The following TNIP1 variants were observed in gnomAD, a reference collection of about 807,000 sequenced individuals.
TNIP1 encodes the protein TNFAIP3-interacting protein 1.
Under a neutral mutation model 86.6 loss-of-function variants are expected in TNIP1, and 22 were observed. The observed-to-expected ratio is 0.25, with a 90% CI of 0.18 to 0.36. The LOEUF (loss-of-function observed/expected upper bound fraction) is 0.36, where lower values mean the gene tolerates loss of function less well. Ranked by LOEUF, TNIP1 falls within the 10% of genes least tolerant of loss-of-function variation. The probability of loss-of-function intolerance (pLI) is 1.00; values close to 1 mark genes in which losing one functional copy is unlikely to be tolerated. For missense variants in TNIP1, 709 were observed against 820.6 expected (o/e 0.86, Z 1.66); for synonymous variants, 294 against 313.0 (o/e 0.94, Z 0.64).
intron 6 of TNIP1, 21 bp from the exon 7 acceptor site, chr5:151,052,280 CAG>C: frequency 6.2e-7 from 1 of 1,607,528 alleles, no homozygotes. Flanking sequence ...GGGGAACAGA[CAG>C]GGTGAGGGAA....
At chr5:151,055,042 G>T (rs770553100) in intron 6 of TNIP1, among the ~76,000 whole-genome samples, 3 of 152,180 alleles carry the variant, frequency 2.0e-5, no homozygotes, top group Admixed American at 2.0e-4. Flanking sequence ...ATCATCAGAG[G>T]TCACAAAGAT....
intron 6 of TNIP1, among the ~76,000 whole-genome samples, chr5:151,056,488 C>T (rs1037759267): frequency 2.6e-5 from 4 of 152,202 alleles, no homozygotes; most frequent in African/African-American, 9.7e-5. Context: ...ATCCCCCAAC[C>T]CTGCACATGA....
chr5:151,051,215 G>A (rs1759885617), intron 7 of TNIP1, among the ~76,000 whole-genome samples: 1 of 152,136 alleles, frequency 6.6e-6, no homozygotes. Flanking sequence ...AATAGCCAGT[G>A]GCTCAGTAGT....
intron 6 of TNIP1, 79 bp from the exon 7 acceptor site, chr5:151,052,338 G>C: frequency 1.6e-6 from 2 of 1,232,890 alleles, no homozygotes; most frequent in Admixed American, 2.0e-5. Flanking sequence ...GGATGGTGGG[G>C]GGCCTGTAGC....
At chr5:151,075,936 CCA>C (rs934427357) in intron 1 of TNIP1, among the ~76,000 whole-genome samples, 13 of 152,288 alleles carry the variant, frequency 8.5e-5, no homozygotes, top group African/African-American at 2.9e-4. Flanking sequence ...CCCACCTACC[CCA>C]CACACACACC....
rs2113671387 is a variant in TNIP1, at chr5:151,060,310, C to T, written c.435+8G>A. On this transcript the variant is annotated splice_region_variant and intron_variant, in intron 5 of 17. Transcript: ENST00000521591. ...AGGTCAAGCCCGGGGTCCTGCCCGT[C>T]CACTCACCATCGCATTGGCATGGCT... 6.2e-7 allele frequency: 1 copy of T among 1,614,002 alleles called. No individual in the cohort carries two copies. The highest frequency in any genetic ancestry group is 2.2e-5 in the East Asian group (1 of 44,872).
At chr5:151,050,021 A>G in intron 7 of TNIP1, 74 bp from the exon 8 acceptor site, 4 of 1,596,716 alleles carry the variant, frequency 2.5e-6, no homozygotes, top group Non-Finnish European at 3.4e-6. Context: ...CTTAATGCTC[A>G]CTATCGCATG....
At chr5:151,064,202 G>C (rs976030618) in intron 2 of TNIP1, among the ~76,000 whole-genome samples, 1 of 152,196 alleles carries the variant, frequency 6.6e-6, no homozygotes, top group African/African-American at 2.4e-5. Context: ...CCTACAAGTG[G>C]AGATGGGGAA....
At chr5:151,057,044 T>C in intron 5 of TNIP1, 87 bp from the exon 6 acceptor site, 5 of 1,252,486 alleles carry the variant, frequency 4.0e-6, no homozygotes, top group Non-Finnish European at 5.1e-6. Flanking sequence ...TCCTCATTTC[T>C]CATGACTCAG....
intron 1 of TNIP1, among the ~76,000 whole-genome samples, chr5:151,069,722 G>A (rs1339917615): frequency 6.6e-6 from 1 of 152,152 alleles, no homozygotes. Context: ...ATAGGGAAGG[G>A]GTCTCCAGGA....
chr5:151,074,126 G>T (rs1763120058), intron 1 of TNIP1, among the ~76,000 whole-genome samples: 1 of 152,346 alleles, frequency 6.6e-6, no homozygotes, highest in South Asian at 2.1e-4. Flanking sequence ...AAAGGAAGGA[G>T]AGAGAAGACA....
chr5:151,042,560 A>G lies in TNIP1; in HGVS notation c.1114T>C (p.Ser372Pro). ...CTTGCCTCCTCCATTTCAATCTTGG[A>G]CTTGGCCAGGAGGAGCTTGCGGTCA... ...DFDRKLLLAK[S>P]KIEMEETDKE... Residue 372 changes from serine to proline, a missense_variant, in exon 11 of 18, where the codon TCC (serine) becomes CCC (proline). By Grantham distance (74) the Ser-to-Pro change is moderately conservative. Coordinates refer to ENST00000521591, the MANE Select transcript of TNIP1 (RefSeq NM_006058.5). 3.1e-6 allele frequency: 5 copies of G among 1,613,346 alleles called. No homozygotes were observed. Among genetic ancestry groups the G allele is most frequent in the Non-Finnish European group, 4.2e-6 (5 of 1,180,016 alleles).
chr5:151,070,192 T>C (rs749494168), intron 1 of TNIP1, among the ~76,000 whole-genome samples: 2 of 152,234 alleles, frequency 1.3e-5, no homozygotes, highest in African/African-American at 2.4e-5. Flanking sequence ...AATATGTGTA[T>C]AGTTGGAAGG....
upstream of TNIP1, among the ~76,000 whole-genome samples, chr5:151,083,491 T>C (rs1764161271): frequency 6.6e-6 from 1 of 152,060 alleles, no homozygotes; most frequent in Non-Finnish European, 1.5e-5. Flanking sequence ...CACTGCCTGC[T>C]ACCCTGTGGT....
At chr5:151,064,079 G>T (rs1159189294) in intron 2 of TNIP1, among the ~76,000 whole-genome samples, 1 of 152,186 alleles carries the variant, frequency 6.6e-6, no homozygotes, top group East Asian at 1.9e-4. Flanking sequence ...AAAGCCAGGG[G>T]CTCCCCCACC....
chr5:151,076,590 A>T (rs561758370), intron 1 of TNIP1, among the ~76,000 whole-genome samples: 38 of 152,300 alleles, frequency 2.5e-4, no homozygotes, highest in African/African-American at 9.1e-4. Flanking sequence ...GGCACAGAAG[A>T]AATGCACACC....
intron 17 of TNIP1, among the ~76,000 whole-genome samples, chr5:151,031,879 C>T (rs1049424761): frequency 2.6e-5 from 4 of 152,154 alleles, no homozygotes; most frequent in Admixed American, 6.5e-5. Flanking sequence ...CAAATGCTGC[C>T]CCCCCGGTCT....
rs573251622 is a variant in TNIP1 at position 151,030,260 on chromosome 5, G to C, written c.*453C>G. 2.4e-6 allele frequency: 1 copy of C among 412,536 alleles called. No individual in the cohort carries two copies. The highest frequency in any genetic ancestry group is 2.6e-5 in the Admixed American group (1 of 37,884). 25.6% of individuals were successfully genotyped at this position (412,536 alleles called of 1,614,324 possible). A position where few individuals can be genotyped will look rare whatever the true frequency, so the allele number is the denominator to read the frequency against. On this transcript the variant is annotated 3_prime_UTR_variant, in exon 18 of 18. Coordinates refer to ENST00000521591, the MANE Select transcript of TNIP1 (RefSeq NM_006058.5). Reference sequence around the variant, plus strand: ...CCACAGCTCCTCACAGAGGGGTAGGGGTGTGCGTGGGGCAGGTCCTGCTAC... The same window carrying C: ...CCACAGCTCCTCACAGAGGGGTAGGCGTGTGCGTGGGGCAGGTCCTGCTAC...
chr5:151,037,868 G>C (rs1241521734), intron 12 of TNIP1, among the ~76,000 whole-genome samples: 1 of 152,178 alleles, frequency 6.6e-6, no homozygotes, highest in Non-Finnish European at 1.5e-5. Context: ...GTAAATTCAG[G>C]ATGCTCCGAG....
Sources: allele counts gnomAD v4.1 joint callset (sites outside exome capture counted in the v4.1 genomes callset), GRCh38; gene constraint gnomAD v4.1.1; transcripts MANE v1.5; gene names NCBI Gene and HGNC (gene_info 2026-07-23, HGNC 2026-07-21).